Variants in REXO1 observed in about 807,000 individuals in gnomAD.
The protein encoded by REXO1 is REX1, RNA exonuclease 1 homolog.
A neutral mutation model predicts 102.6 loss-of-function variants in REXO1; 42 were observed. The observed-to-expected ratio is 0.41, with a 90% CI of 0.32 to 0.53. The LOEUF (loss-of-function observed/expected upper bound fraction) is 0.53. Among genes scored for constraint, REXO1 ranks in the 20% least tolerant of loss-of-function variants. REXO1 has a pLI of 0.27. For missense variants in REXO1, 1,819 were observed against 1,732.5 expected, an observed-to-expected ratio of 1.05 and a Z score of -0.89; for synonymous variants, 908 against 779.1, an observed-to-expected ratio of 1.17 and a Z score of -2.76.
rs2069395102 is a variant in REXO1 at position 1,817,235 on chromosome 19, G to C, written c.3185C>G (p.Ala1062Gly). 6.2e-7 allele frequency: 1 copy of C among 1,612,740 alleles called. No homozygotes were observed. The highest frequency in any genetic ancestry group is 1.3e-5 in the African/African-American group (1 of 74,934). Reference protein sequence around the residue: ...LSGDTHPGIYALDCEMSYTTY... With the variant: ...LSGDTHPGIYGLDCEMSYTTY... ...CAGCCTCACCATCTCGCAGTCCAGG[G>C]CGTAGATCCCCGGGTGGGTGTCTCC... is the stretch of plus-strand genomic sequence containing the variant. Residue 1062 changes from alanine to glycine, a missense_variant, in exon 12 of 16, where the codon GCC becomes GGC. Ala to Gly is a moderately conservative substitution (Grantham distance 60). Coordinates refer to ENST00000170168, the MANE Select transcript of REXO1 (RefSeq NM_020695.4).
At position 1,821,455 on chromosome 19, in the gene REXO1, A is replaced by C. The variant is rs1173524531; in HGVS notation, c.2394+64T>G. 3 of 1,599,484 alleles carry C rather than the reference A, an allele frequency of 1.9e-6. No individual in the cohort carries two copies. The East Asian group carries it at 6.7e-5, about 36-fold the overall frequency. ...GCGAGGCTGGCCCTCCGCAGGTCCC[A>C]TGTGGCCGGGCCTCAGGGCGTGGTC... On this transcript the variant is annotated intron_variant, in intron 5 of 15. Transcript: ENST00000170168.
At chr19:1,829,363 C>G (rs1243909334) in intron 1 of REXO1, among the ~76,000 whole-genome samples, 3 of 152,070 alleles carry the variant, frequency 2.0e-5, no homozygotes, top group Non-Finnish European at 2.9e-5. Context: ...CTCAGCCCCC[C>G]AAGTAGCTGG....
intron 4 of REXO1, 25 bp from the exon 5 acceptor site, chr19:1,821,707 C>T (rs769010367): frequency 6.3e-7 from 1 of 1,597,096 alleles, no homozygotes; most frequent in East Asian, 2.2e-5. Flanking sequence ...GGGGTGTGGG[C>T]ACAGGGCGAG....
In REXO1 at chr19:1,825,825, T is replaced by TC; in HGVS notation, c.2016+13dup. On this transcript the variant is annotated intron_variant, in intron 3 of 15. Coordinates refer to ENST00000170168, the MANE Select transcript of REXO1 (RefSeq NM_020695.4). ...AAAAAAGGCTCCTGCTGGCCTGGCC[T>TC]CTGCGGACCTTACCTCCTGGCCTTG... 7.0e-7 allele frequency: 1 copy of TC among 1,429,714 alleles called. No homozygotes were observed. Among genetic ancestry groups the TC allele is most frequent in the Non-Finnish European group, 9.8e-7 (1 of 1,016,338 alleles). The allele number at this position is 1,429,714 out of a possible 1,614,324, so 88.6% of individuals were successfully genotyped here.
At chr19:1,828,997 C>G (rs1016815813) in intron 1 of REXO1, among the ~76,000 whole-genome samples, 6 of 152,264 alleles carry the variant, frequency 3.9e-5, no homozygotes, top group African/African-American at 1.2e-4. Flanking sequence ...GAGCTCCCAG[C>G]ATTCAGGGTG....
chr19:1,828,408 C>A lies in REXO1; in HGVS notation c.381G>T (p.Leu127=), dbSNP rs750645662. 2.3e-5 allele frequency: 37 copies of A among 1,607,664 alleles called. No individual in the cohort carries two copies. Among genetic ancestry groups the A allele is most frequent in the Middle Eastern group, 1.7e-4 (1 of 6,046 alleles). The change falls in exon 2 of 16, where the codon CTG becomes CTT. Residue 127 remains leucine, a synonymous_variant. Coordinates refer to ENST00000170168, the MANE Select transcript of REXO1 (RefSeq NM_020695.4). ...REHRSAEAPA[L]APRGPNASPT... ...GGCTGGCGTTGGGGCCGCGGGGCGC[C>A]AGGGCGGGGGCCTCGGCGGAGCGGT...
chr19:1,819,195 G>A (rs970433186), intron 7 of REXO1, 64 bp from the exon 8 acceptor site: 18 of 1,262,032 alleles, frequency 1.4e-5, no homozygotes, highest in Non-Finnish European at 4.4e-6. Flanking sequence ...TGCCCCGCCT[G>A]CTCTCCCACC....
Position 1,828,372 on chromosome 19 carries a change from G to A in REXO1, c.417C>T (p.Gly139=), listed in dbSNP as rs2069806618. 7 of 1,608,844 alleles carry A rather than the reference G, an allele frequency of 4.4e-6. No individual in the cohort carries two copies. Among genetic ancestry groups the A allele is most frequent in the Non-Finnish European group, 5.1e-6 (6 of 1,177,950 alleles). The change falls in exon 2 of 16, where the codon GGC becomes GGT. Residue 139 remains glycine (G), a synonymous_variant. Coordinates refer to ENST00000170168, the MANE Select transcript of REXO1 (RefSeq NM_020695.4). ...PRGPNASPTV[G]PDEDAFPLAF... ...CCAGTGGGAAGGCATCCTCGTCCGG[G>A]CCCACAGTGGGGCTGGCGTTGGGGC...
intron 1 of REXO1, among the ~76,000 whole-genome samples, chr19:1,831,242 G>T (rs1044443356): frequency 6.6e-6 from 1 of 152,222 alleles, no homozygotes; most frequent in Admixed American, 6.5e-5. Context: ...CAGCCCCATG[G>T]GAACCTGCCC....
At chr19:1,847,376 G>A (rs1159629080) in intron 1 of REXO1, among the ~76,000 whole-genome samples, 1 of 152,210 alleles carries the variant, frequency 6.6e-6, no homozygotes, top group Non-Finnish European at 1.5e-5. Flanking sequence ...GCCCAATGAG[G>A]AAATCTGGGA....
At chr19:1,823,934 G>A in intron 3 of REXO1, 149 bp from the exon 4 acceptor site, 1 of 398,854 alleles carries the variant, frequency 2.5e-6, no homozygotes, top group Non-Finnish European at 4.4e-6. Flanking sequence ...GCACACTGGG[G>A]GGAAGCAGCA....
Position 1,826,975 on chromosome 19 carries a change from T to A in REXO1, c.1814A>T (p.Glu605Val). Residue 605 changes from glutamate to valine, a missense_variant, in exon 2 of 16, where the codon GAG becomes GTG. By Grantham distance (121) the Glu-to-Val change is moderately radical (BLOSUM62 -2). Transcript: ENST00000170168. The surrounding 1 kb of genome is among the most constrained non-coding windows in gnomAD (Gnocchi z 4.3). ...CATGGGGTCGGAGTCAAAGTCCACC[T>A]CCTTCTCCAGGGCCGAGTAGTCCAC... ...ADVDYSALEK[E>V]VDFDSDPMEE... The A allele has an allele frequency of 1.3e-6, 2 of 1,563,450 alleles. No individual in the cohort carries two copies. The highest frequency in any genetic ancestry group is 2.4e-5 in the East Asian group (1 of 42,234).
chr19:1,834,774 T>C (rs536430946), intron 1 of REXO1, among the ~76,000 whole-genome samples: 1 of 152,286 alleles, frequency 6.6e-6, no homozygotes, highest in African/African-American at 2.4e-5. Context: ...GAGGGCACAC[T>C]CTGCAGAGGG....
In REXO1 at chr19:1,820,232, C is replaced by T. The variant is rs375190815; in HGVS notation, c.2526+32G>A. The T allele has an allele frequency of 4.1e-5, 66 of 1,599,546 alleles. No homozygotes were observed. In the African/African-American group the frequency reaches 5.4e-4, roughly 13 times the overall value. ...CCACCCTGGACCCCTAGTCCCCACC[C>T]GACCGGCCAGATAGGAACTCCAGGA... On this transcript the variant is annotated intron_variant, in intron 6 of 15. Coordinates refer to ENST00000170168, the MANE Select transcript of REXO1 (RefSeq NM_020695.4).
intron 1 of REXO1, among the ~76,000 whole-genome samples, chr19:1,845,524 T>C (rs186706644): frequency 1.3e-5 from 2 of 152,116 alleles, no homozygotes; most frequent in East Asian, 3.9e-4. Flanking sequence ...ATTAGCGAGG[T>C]GTGATGTCAC....
chr19:1,841,729 TG>T (rs1284487674), intron 1 of REXO1, among the ~76,000 whole-genome samples: 1 of 151,692 alleles, frequency 6.6e-6, no homozygotes, highest in Non-Finnish European at 1.5e-5. Flanking sequence ...GGGAGCGCTC[TG>T]GGGAGCGGCT....
At chr19:1,848,133 G>T in intron 1 of REXO1, 69 bp downstream of exon 1, 1 of 781,098 alleles carries the variant, frequency 1.3e-6, no homozygotes, top group African/African-American at 1.8e-5. Flanking sequence ...GACCCCGGGC[G>T]GGACCGGGGT....
intron 1 of REXO1, among the ~76,000 whole-genome samples, chr19:1,845,515 T>C (rs1240484953): frequency 1.3e-5 from 2 of 152,054 alleles, no homozygotes; most frequent in Admixed American, 1.3e-4. Context: ...ATTTTAAACA[T>C]TAGCGAGGTG....
At position 1,840,077 on chromosome 19, in the gene REXO1, C is replaced by T. The variant is rs190649865; in HGVS notation, c.157+8125G>A. 3.9e-5 allele frequency among the ~76,000 whole-genome samples: 6 copies of T among 152,292 alleles called. No individual in the cohort carries two copies. The East Asian group carries it at 1.2e-3, about 29-fold the overall frequency. On this transcript the variant is annotated intron_variant, in intron 1 of 15. Transcript: ENST00000170168. ...GTTAACAGGGTGGGGATGGACCTGT[C>T]GCCAGGACAAATGGACAGGCTGGGA... is the stretch of plus-strand genomic sequence containing the variant.
Sources: allele counts gnomAD v4.1 joint callset (sites outside exome capture counted in the v4.1 genomes callset), GRCh38; gene constraint gnomAD v4.1.1; non-coding constraint Gnocchi (gnomAD v3.1); transcripts MANE v1.5; gene names NCBI Gene and HGNC (gene_info 2026-07-23, HGNC 2026-07-21).